Variants in FGF1 observed in about 807,000 individuals in gnomAD.
FGF1 encodes the protein fibroblast growth factor 1, also known as beta-endothelial cell growth factor.
FGF1 carries 9 observed loss-of-function variants against 13.4 expected under a neutral mutation model. The observed-to-expected ratio is 0.67, with a 90% CI of 0.40 to 1.17. The LOEUF (loss-of-function observed/expected upper bound fraction) is 1.17. Ranked by LOEUF, FGF1 falls within the 50% of genes most tolerant of loss-of-function variation. The probability of loss-of-function intolerance (pLI) is 0.01; values close to 1 mark genes in which losing one functional copy is unlikely to be tolerated. For missense variants in FGF1, 156 were observed against 192.7 expected (o/e 0.81, Z 1.13); for synonymous variants, 93 against 79.0 (o/e 1.18, Z -0.94).
At chr5:142,595,954 G>A (rs1335730230) in intron 3 of FGF1, among the ~76,000 whole-genome samples, 2 of 152,152 alleles carry the variant, frequency 1.3e-5, no homozygotes, top group Non-Finnish European at 2.9e-5. Context: ...TGTTGTTGCT[G>A]TTGTTTTAAC....
intron 1 of FGF1, among the ~76,000 whole-genome samples, chr5:142,684,401 A>G (rs149628295): frequency 6.6e-6 from 1 of 152,356 alleles, no homozygotes; most frequent in East Asian, 1.9e-4. Context: ...ATTTAAAAGA[A>G]ACTCATTGTG....
At chr5:142,648,563 A>G (rs925847458) in intron 1 of FGF1, among the ~76,000 whole-genome samples, 1 of 151,994 alleles carries the variant, frequency 6.6e-6, no homozygotes, top group Non-Finnish European at 1.5e-5. Context: ...TGTAGATGAC[A>G]GGTTGATGGG....
intron 1 of FGF1, among the ~76,000 whole-genome samples, chr5:142,657,628 G>A (rs1259750298): frequency 6.6e-6 from 1 of 152,236 alleles, no homozygotes; most frequent in Non-Finnish European, 1.5e-5. Flanking sequence ...TAACCCCCAG[G>A]AGACCTGGTC....
At chr5:142,674,690 G>A (rs11949141) in intron 1 of FGF1, among the ~76,000 whole-genome samples, 21,195 of 152,104 alleles carry the variant, frequency 0.14, 1,841 homozygotes, top group Non-Finnish European at 0.19. Flanking sequence ...CACGACTCCC[G>A]ATTAGTCACC....
chr5:142,616,695 C>T (rs1760322916), intron 1 of FGF1, among the ~76,000 whole-genome samples: 1 of 152,088 alleles, frequency 6.6e-6, no homozygotes, highest in African/African-American at 2.4e-5. Flanking sequence ...TCCACCCAGC[C>T]TCTCACTCTA....
chr5:142,670,170 C>A (rs1427716390), intron 1 of FGF1, among the ~76,000 whole-genome samples: 3 of 152,174 alleles, frequency 2.0e-5, no homozygotes, highest in Non-Finnish European at 4.4e-5. Flanking sequence ...TCCCTTGTTT[C>A]CTACTTCCCA....
At position 142,600,768 on chromosome 5, in the gene FGF1, C is replaced by G; in HGVS notation, c.207G>C (p.Val69=). Residue 69 remains valine (V), a synonymous_variant, in exon 3 of 4, where the codon GTG becomes GTC. Transcript: ENST00000337706. ...GGCCAGTCTCGGTACTCTTTATATACACCTCCCCCACGCTTTCCGCACTGA... is the reference window on the plus strand; with the variant it reads ...GGCCAGTCTCGGTACTCTTTATATAGACCTCCCCCACGCTTTCCGCACTGA... ...LQLSAESVGE[V]YIKSTETGQY... 2 of 1,613,842 alleles carry G rather than the reference C, an allele frequency of 1.2e-6. No homozygotes were observed. Among genetic ancestry groups the G allele is most frequent in the Non-Finnish European group, 1.7e-6 (2 of 1,179,826 alleles).
intron 1 of FGF1, chr5:142,680,669 C>T (rs1597447747): frequency 3.9e-5 from 6 of 152,182 alleles, no homozygotes; most frequent in Admixed American, 3.9e-4. Flanking sequence ...TCAATATGTA[C>T]CAAATGTGCT....
At chr5:142,611,100 T>A (rs1234271714) in intron 2 of FGF1, among the ~76,000 whole-genome samples, 1 of 152,238 alleles carries the variant, frequency 6.6e-6, no homozygotes. Flanking sequence ...ATGCTCAAAC[T>A]AGTGATCAAG....
intron 1 of FGF1, among the ~76,000 whole-genome samples, chr5:142,659,880 G>A (rs1220301744): frequency 6.6e-6 from 1 of 152,208 alleles, no homozygotes; most frequent in African/African-American, 2.4e-5. Context: ...CCTTTGGTCT[G>A]TTTCTCTAGT....
intron 1 of FGF1, among the ~76,000 whole-genome samples, chr5:142,646,378 A>C (rs1424047066): frequency 6.7e-6 from 1 of 149,924 alleles, no homozygotes; most frequent in Non-Finnish European, 1.5e-5. Context: ...TTGAGAGGAG[A>C]CTTGCTCTGT....
intron 3 of FGF1, among the ~76,000 whole-genome samples, chr5:142,597,046 A>G (rs534278757): frequency 4.3e-4 from 65 of 152,366 alleles, no homozygotes; most frequent in Middle Eastern, 6.8e-3. Flanking sequence ...ATTATTTATC[A>G]TATGTTAGCT....
chr5:142,681,294 T>C lies in FGF1; in HGVS notation c.-35+4663A>G, dbSNP rs1182297409. Among the ~76,000 whole-genome samples, 3 of 152,252 alleles carry C rather than the reference T, an allele frequency of 2.0e-5. No homozygotes were observed. The East Asian group carries it at 5.8e-4, about 29-fold the overall frequency. On this transcript the variant is annotated intron_variant, in intron 1 of 3. Coordinates refer to ENST00000337706, the MANE Select transcript of FGF1 (RefSeq NM_000800.5). ...GCTCAGATACTTACCCAATCTTGACTTCAAATTTAGCTCAACATGACCTCT... is the reference window on the plus strand; with the variant it reads ...GCTCAGATACTTACCCAATCTTGACCTCAAATTTAGCTCAACATGACCTCT...
chr5:142,672,757 G>A (rs913384964), intron 1 of FGF1, among the ~76,000 whole-genome samples: 8 of 151,878 alleles, frequency 5.3e-5, no homozygotes, highest in Non-Finnish European at 1.2e-4. Flanking sequence ...TTCCTGCCTC[G>A]GCCTCCCAAT....
At position 142,592,716 on chromosome 5, in the gene FGF1, C is replaced by T. The variant is rs1044527092; in HGVS notation, c.*2574G>A. On this transcript the variant is annotated 3_prime_UTR_variant, in exon 4 of 4. Coordinates refer to ENST00000337706, the MANE Select transcript of FGF1 (RefSeq NM_000800.5). The stretch of plus-strand genomic sequence containing the variant: ...CTCTTTGGCTGATTTGAAAGCAGTC[C>T]CCCTGAAGCTGACCCGGTTCTAAAG... The T allele has an allele frequency of 1.1e-5, 4 of 354,474 alleles. No homozygotes were observed. The highest frequency in any genetic ancestry group is 2.0e-5 in the Non-Finnish European group (4 of 198,778). 22.0% of individuals were successfully genotyped at this position (354,474 alleles called of 1,614,324 possible).
At chr5:142,606,684 A>G (rs1345898876) in intron 2 of FGF1, among the ~76,000 whole-genome samples, 1 of 152,218 alleles carries the variant, frequency 6.6e-6, no homozygotes, top group Admixed American at 6.5e-5. Flanking sequence ...ATAGTAAAAT[A>G]TAAAACTGTG....
chr5:142,608,420 C>T (rs1395106844), intron 2 of FGF1, among the ~76,000 whole-genome samples: 2 of 150,778 alleles, frequency 1.3e-5, no homozygotes, highest in Admixed American at 6.6e-5. Flanking sequence ...AGCCACAAGC[C>T]GGGATTGGTA....
rs79833704 is a variant in FGF1, at chr5:142,681,448, C to T, written c.-35+4509G>A. 4.3e-3 allele frequency among the ~76,000 whole-genome samples: 658 copies of T among 152,202 alleles called. 5 individuals are homozygous for T. Among genetic ancestry groups the T allele is most frequent in the African/African-American group, 0.015 (629 of 41,508 alleles). ...CTACCTGGTCAGAAAAACCTTAGCC[C>T]CACTGTTCCCCAGTGCCTGTGTTCA... On this transcript the variant is annotated intron_variant, in intron 1 of 3. Coordinates refer to ENST00000337706, the MANE Select transcript of FGF1 (RefSeq NM_000800.5).
chr5:142,617,600 G>A (rs999018952), intron 1 of FGF1, among the ~76,000 whole-genome samples: 1 of 152,124 alleles, frequency 6.6e-6, no homozygotes, highest in Non-Finnish European at 1.5e-5. Flanking sequence ...TGCCTATACT[G>A]ATGTCAGATG....
Sources: gnomAD v4.1 joint callset for allele counts (sites outside exome capture counted in the v4.1 genomes callset) on GRCh38, gnomAD v4.1.1 for gene constraint, MANE v1.5 for transcripts, NCBI Gene and HGNC (gene_info 2026-07-23, HGNC 2026-07-21) for gene names.